Variants in LRMDA observed in about 807,000 individuals in gnomAD.
LRMDA encodes the protein leucine-rich melanocyte differentiation-associated protein.
LRMDA carries 18 observed loss-of-function variants against 29.8 expected under a neutral mutation model. The observed-to-expected ratio is 0.60, with a 90% confidence interval of 0.42 to 0.90. The LOEUF is 0.90. Among genes scored for constraint, LRMDA ranks in the 40% least tolerant of loss-of-function variants. LRMDA has a pLI of 0.00. For missense variants in LRMDA, 273 were observed against 273.9 expected, an observed-to-expected ratio of 1.00 and a Z score of 0.02; for synonymous variants, 125 against 109.4, an observed-to-expected ratio of 1.14 and a Z score of -0.89.
At chr10:76,465,784 C>T (rs530492288) in intron 6 of LRMDA, among the ~76,000 whole-genome samples, 2 of 152,192 alleles carry the variant, frequency 1.3e-5, no homozygotes, top group South Asian at 2.1e-4. Flanking sequence ...GGTTGATTTC[C>T]TCCGAGAACC....
At chr10:75,996,348 C>T (rs887088678) in intron 2 of LRMDA, among the ~76,000 whole-genome samples, 34 of 152,104 alleles carry the variant, frequency 2.2e-4, no homozygotes, top group Admixed American at 1.7e-3. Flanking sequence ...TTCTTTGGTT[C>T]GTTGCTTTTG....
chr10:76,182,915 G>C (rs1851080586), intron 5 of LRMDA, among the ~76,000 whole-genome samples: 2 of 152,162 alleles, frequency 1.3e-5, no homozygotes, highest in Non-Finnish European at 2.9e-5. Flanking sequence ...AGTTGAAATA[G>C]AGAAGGACAA....
At chr10:75,701,496 G>A (rs1453701022) in intron 2 of LRMDA, among the ~76,000 whole-genome samples, 4 of 152,176 alleles carry the variant, frequency 2.6e-5, no homozygotes, top group Non-Finnish European at 5.9e-5. Flanking sequence ...AAGCTACCTG[G>A]ATTTGGAAGC....
Position 76,290,568 on chromosome 10 carries a change from G to A in LRMDA, c.517-33833G>A, listed in dbSNP as rs111556170. ...CTCCCCAGTAGCTGGGATTACAGGC[G>A]TATGCCACCACAGCTGGCTAATTTT... On this transcript the variant is annotated intron_variant, in intron 5 of 6. Transcript: ENST00000611255. 9.2e-5 allele frequency among the ~76,000 whole-genome samples: 14 copies of A among 151,946 alleles called. 1 individual carries two copies. Among genetic ancestry groups the A allele is most frequent in the African/African-American group, 2.2e-4 (9 of 41,448 alleles).
At chr10:76,242,057 T>G (rs1408611795) in intron 5 of LRMDA, 1 of 152,214 alleles carries the variant, frequency 6.6e-6, no homozygotes, top group East Asian at 1.9e-4. Flanking sequence ...CAGGCTGTAG[T>G]GCAGTGGCTA....
At chr10:75,472,250 T>C (rs576170758) in intron 2 of LRMDA, among the ~76,000 whole-genome samples, 6 of 152,254 alleles carry the variant, frequency 3.9e-5, no homozygotes, top group South Asian at 4.2e-4. Flanking sequence ...TGACACCAAA[T>C]TGCAGACTGT....
chr10:75,688,575 A>C (rs1004138704), intron 2 of LRMDA, among the ~76,000 whole-genome samples: 1 of 152,234 alleles, frequency 6.6e-6, no homozygotes, highest in Non-Finnish European at 1.5e-5. Flanking sequence ...TGCTGTGAAC[A>C]TTGTTGAAAT....
At chr10:75,750,156 C>T (rs548341568) in intron 2 of LRMDA, among the ~76,000 whole-genome samples, 10 of 152,322 alleles carry the variant, frequency 6.6e-5, no homozygotes, top group Non-Finnish European at 1.0e-4. Context: ...ACCTCCCAGA[C>T]GGGGTGGCGG....
At chr10:75,934,696 G>C (rs1418206896) in intron 2 of LRMDA, among the ~76,000 whole-genome samples, 1 of 152,144 alleles carries the variant, frequency 6.6e-6, no homozygotes, top group Non-Finnish European at 1.5e-5. Context: ...CTCTCGGTCA[G>C]TGCCTGCAAA....
intron 2 of LRMDA, among the ~76,000 whole-genome samples, chr10:75,822,170 T>A (rs1296061762): frequency 6.6e-6 from 1 of 152,166 alleles, no homozygotes; most frequent in East Asian, 1.9e-4. Context: ...TTCTGTACAC[T>A]GGTAATGATT....
chr10:76,155,632 A>G (rs1257353720), intron 5 of LRMDA, among the ~76,000 whole-genome samples: 4 of 152,130 alleles, frequency 2.6e-5, no homozygotes, highest in Admixed American at 2.6e-4. Context: ...GTATTTTGGG[A>G]TGGTGGAATC....
chr10:75,966,950 C>T (rs1846872050), intron 2 of LRMDA, among the ~76,000 whole-genome samples: 1 of 152,164 alleles, frequency 6.6e-6, no homozygotes, highest in Admixed American at 6.5e-5. Flanking sequence ...GCATTTGCAC[C>T]CCATAGGAGG....
chr10:76,314,028 G>T (rs181125633), intron 5 of LRMDA, among the ~76,000 whole-genome samples: 2 of 151,924 alleles, frequency 1.3e-5, no homozygotes, highest in Admixed American at 6.6e-5. Flanking sequence ...ATTTTTTTGT[G>T]CTATTCACAA....
At chr10:75,707,596 C>CAGAGAAGA (rs1469215291) in intron 2 of LRMDA, among the ~76,000 whole-genome samples, 111 of 152,284 alleles carry the variant, frequency 7.3e-4, no homozygotes, top group Non-Finnish European at 1.3e-3. Context: ...CTTGCCTGGG[C>CAGAGAAGA]CTGGTCTGCA....
intron 5 of LRMDA, among the ~76,000 whole-genome samples, chr10:76,255,728 T>G (rs535829100): frequency 2.2e-4 from 34 of 152,248 alleles, no homozygotes; most frequent in African/African-American, 7.2e-4. Context: ...CCGAAAGAAA[T>G]AAATCCTAAC....
At chr10:76,440,012 T>G (rs927253895) in intron 6 of LRMDA, among the ~76,000 whole-genome samples, 2 of 152,204 alleles carry the variant, frequency 1.3e-5, no homozygotes, top group African/African-American at 4.8e-5. Context: ...GAGTAAAGTG[T>G]AGGAGCTCAC....
At chr10:75,913,434 C>T (rs189821575) in intron 2 of LRMDA, among the ~76,000 whole-genome samples, 5 of 152,170 alleles carry the variant, frequency 3.3e-5, no homozygotes, top group East Asian at 3.9e-4. Flanking sequence ...CCAGCCTGGA[C>T]GACACAGCGA....
At chr10:75,802,357 AC>A in intron 2 of LRMDA, among the ~76,000 whole-genome samples, 1 of 148,790 alleles carries the variant, frequency 6.7e-6, no homozygotes, top group Non-Finnish European at 1.5e-5. Flanking sequence ...ACACACACAC[AC>A]ACACACACAA....
At chr10:76,121,639 T>C (rs1849791371) in intron 5 of LRMDA, among the ~76,000 whole-genome samples, 1 of 152,220 alleles carries the variant, frequency 6.6e-6, no homozygotes, top group Admixed American at 6.5e-5. Context: ...TTTTTGCTTC[T>C]TAGTCACTGT....
Sources: gnomAD v4.1 joint callset for allele counts (sites outside exome capture counted in the v4.1 genomes callset) on GRCh38, gnomAD v4.1.1 for gene constraint, MANE v1.5 for transcripts, NCBI Gene and HGNC (gene_info 2026-07-23, HGNC 2026-07-21) for gene names.